MTUS2: variants seen among roughly 807,000 people sequenced by gnomAD.
The protein encoded by MTUS2 is microtubule-associated tumor suppressor candidate 2.
A neutral mutation model predicts 114.1 loss-of-function variants in MTUS2; 40 were observed. That is an observed-to-expected ratio of 0.35 (90% CI 0.27 to 0.46). The LOEUF (loss-of-function observed/expected upper bound fraction) is 0.46, where lower values mean the gene tolerates loss of function less well. Ranked by LOEUF, MTUS2 falls within the 20% of genes least tolerant of loss-of-function variation. The pLI, the probability that MTUS2 is intolerant of heterozygous loss-of-function variation, is 1.00. For missense variants in MTUS2, 1,679 were observed against 1,705.4 expected (o/e 0.98, Z 0.27); for synonymous variants, 688 against 672.0 (o/e 1.02, Z -0.37).
At chr13:29,183,162 A>G (rs139771039) in intron 5 of MTUS2, among the ~76,000 whole-genome samples, 367 of 152,258 alleles carry the variant, frequency 2.4e-3, no homozygotes, top group African/African-American at 8.4e-3. Flanking sequence ...TGTACCACGG[A>G]AGGTGCAGAG....
chr13:29,274,916 G>A lies in MTUS2; in HGVS notation c.2645-6788G>A, dbSNP rs1237250826. Among the ~76,000 whole-genome samples, 4 of 151,892 alleles carry A rather than the reference G, an allele frequency of 2.6e-5. No homozygotes were observed. The East Asian group carries it at 5.8e-4, about 22-fold the overall frequency. On this transcript the variant is annotated intron_variant, in intron 5 of 15. Coordinates refer to ENST00000612955, the MANE Select transcript of MTUS2 (RefSeq NM_001033602.4). ...CAGCTAATTTTTTTTTAAATTTTTT[G>A]TAGAGACAGGGTCTCACTATGTTGC...
At chr13:28,894,655 T>G (rs73437234) in intron 2 of MTUS2, among the ~76,000 whole-genome samples, 3,545 of 152,316 alleles carry the variant, frequency 0.023, 135 homozygotes, top group African/African-American at 0.08. Flanking sequence ...ATAGAAATGC[T>G]ATACCATTCC....
At chr13:29,279,187 A>G (rs1403302263) in intron 5 of MTUS2, among the ~76,000 whole-genome samples, 1 of 152,168 alleles carries the variant, frequency 6.6e-6, no homozygotes, top group Non-Finnish European at 1.5e-5. Context: ...AGAAACTATG[A>G]TGCAAGAGAG....
At chr13:29,282,870 G>T (rs989289247) in intron 6 of MTUS2, among the ~76,000 whole-genome samples, 2 of 152,132 alleles carry the variant, frequency 1.3e-5, no homozygotes, top group Non-Finnish European at 2.9e-5. Flanking sequence ...CCTTGGCAAT[G>T]GTAGGGCTCA....
chr13:29,417,039 A>G (rs1875721060), intron 8 of MTUS2, among the ~76,000 whole-genome samples: 2 of 152,204 alleles, frequency 1.3e-5, no homozygotes, highest in South Asian at 4.1e-4. Context: ...CTGAGGCTGG[A>G]TAATTTATAA....
At chr13:29,461,773 T>C (rs1879514745) in intron 9 of MTUS2, among the ~76,000 whole-genome samples, 2 of 152,214 alleles carry the variant, frequency 1.3e-5, no homozygotes, top group Non-Finnish European at 2.9e-5. Flanking sequence ...CTCTAAGTTA[T>C]CATGAATGTA....
At chr13:28,898,539 C>T (rs933648434) in intron 2 of MTUS2, among the ~76,000 whole-genome samples, 17 of 152,066 alleles carry the variant, frequency 1.1e-4, no homozygotes, top group Admixed American at 3.9e-4. Context: ...GATGAACTAC[C>T]GTATCCCTGC....
At chr13:29,120,622 AGAG>A (rs1891269591) in intron 5 of MTUS2, among the ~76,000 whole-genome samples, 1 of 152,212 alleles carries the variant, frequency 6.6e-6, no homozygotes, top group Admixed American at 6.5e-5. Flanking sequence ...CTTAAAAATA[AGAG>A]AAGAATAAAA....
intron 5 of MTUS2, among the ~76,000 whole-genome samples, chr13:29,178,144 T>C (rs529039306): frequency 4.6e-4 from 70 of 152,302 alleles, no homozygotes; most frequent in Non-Finnish European, 8.7e-4. Context: ...TACAGCGAAC[T>C]ACCGGGCATT....
At chr13:29,307,855 T>C in intron 6 of MTUS2, 2 of 648,720 alleles carry the variant, frequency 3.1e-6, no homozygotes, top group South Asian at 1.6e-5. Flanking sequence ...GGGGGACACT[T>C]AGTCCCCCTC....
At chr13:29,423,806 T>A (rs1336165110) in intron 8 of MTUS2, among the ~76,000 whole-genome samples, 1 of 152,120 alleles carries the variant, frequency 6.6e-6, no homozygotes, top group Non-Finnish European at 1.5e-5. Flanking sequence ...AACATATAGT[T>A]AGATAGAATA....
intron 9 of MTUS2, among the ~76,000 whole-genome samples, chr13:29,458,665 C>G (rs1879280052): frequency 1.3e-5 from 2 of 152,210 alleles, no homozygotes; most frequent in African/African-American, 2.4e-5. Flanking sequence ...GAGCTCACCT[C>G]TTGGTGAACC....
At chr13:29,222,083 A>C (rs6490377) in intron 5 of MTUS2, among the ~76,000 whole-genome samples, 121,649 of 152,168 alleles carry the variant, frequency 0.8, 48,681 homozygotes, top group East Asian at 0.89. Context: ...GAGTAGTGGG[A>C]CTACTGGCAG....
chr13:29,424,048 G>A (rs1876320404), intron 8 of MTUS2, among the ~76,000 whole-genome samples: 2 of 143,422 alleles, frequency 1.4e-5, no homozygotes, highest in African/African-American at 2.6e-5. Context: ...TTTTTTTTTA[G>A]TAGAGATGGG....
intron 2 of MTUS2, among the ~76,000 whole-genome samples, chr13:28,977,969 G>A (rs967515585): frequency 1.3e-5 from 2 of 152,152 alleles, no homozygotes; most frequent in Non-Finnish European, 2.9e-5. Context: ...ACAGCCCCCT[G>A]CAAGAGATTT....
intron 8 of MTUS2, among the ~76,000 whole-genome samples, chr13:29,375,583 AT>A (rs1566163524): frequency 1.4e-3 from 7 of 5,072 alleles, no homozygotes; most frequent in Non-Finnish European, 2.0e-3. Context: ...ACATATATAT[AT>A]ATACGTATAT....
chr13:28,942,434 G>T (rs898528649), intron 2 of MTUS2, among the ~76,000 whole-genome samples: 1 of 152,208 alleles, frequency 6.6e-6, no homozygotes, highest in Non-Finnish European at 1.5e-5. Flanking sequence ...TTATTTGCAT[G>T]CCTTATAGAC....
chr13:28,925,815 G>A (rs1881293966), intron 2 of MTUS2, among the ~76,000 whole-genome samples: 1 of 152,186 alleles, frequency 6.6e-6, no homozygotes, highest in Admixed American at 6.5e-5. Flanking sequence ...GTTGCTTATG[G>A]CAAACACATA....
chr13:29,156,591 C>G (rs982622290), intron 5 of MTUS2, among the ~76,000 whole-genome samples: 4 of 152,128 alleles, frequency 2.6e-5, no homozygotes, highest in Admixed American at 6.6e-5. Context: ...CAGCAAGTCA[C>G]TAGACTCTCT....
Sources: gnomAD v4.1 joint callset for allele counts (sites outside exome capture counted in the v4.1 genomes callset) on GRCh38, gnomAD v4.1.1 for gene constraint, MANE v1.5 for transcripts, NCBI Gene and HGNC (gene_info 2026-07-23, HGNC 2026-07-21) for gene names.